PAM: variants seen among roughly 807,000 people sequenced by gnomAD.
PAM encodes the protein peptidylglycine alpha-amidating monooxygenase.
Under a neutral mutation model 122.1 loss-of-function variants are expected in PAM, and 72 were observed. That is an observed-to-expected ratio of 0.59 (90% confidence interval 0.49 to 0.72). The LOEUF (loss-of-function observed/expected upper bound fraction) is 0.72. Among genes scored for constraint, PAM ranks in the 30% least tolerant of loss-of-function variants. The probability of loss-of-function intolerance (pLI) is 0.00; values close to 1 mark genes in which losing one functional copy is unlikely to be tolerated. For missense variants in PAM, 1,106 were observed against 1,183.7 expected, an observed-to-expected ratio of 0.93 and a Z score of 0.96; for synonymous variants, 389 against 404.4, an observed-to-expected ratio of 0.96 and a Z score of 0.46.
intron 3 of PAM, among the ~76,000 whole-genome samples, chr5:102,895,222 A>G (rs1417047585): frequency 2.6e-5 from 4 of 151,598 alleles, no homozygotes; most frequent in African/African-American, 9.7e-5. Flanking sequence ...AACATTGCCA[A>G]CCCCCCTTGA....
chr5:102,986,440 A>G (rs1308328626), intron 15 of PAM, among the ~76,000 whole-genome samples: 1 of 152,184 alleles, frequency 6.6e-6, no homozygotes, highest in Non-Finnish European at 1.5e-5. Flanking sequence ...TTATACACCA[A>G]TAATGAACTA....
At chr5:102,795,578 C>T (rs1291064121) in intron 1 of PAM, among the ~76,000 whole-genome samples, 1 of 152,126 alleles carries the variant, frequency 6.6e-6, no homozygotes. Context: ...TTAATGGCTA[C>T]CCTTTTGACA....
chr5:102,974,690 A>G (rs1180162667), intron 15 of PAM: 1 of 309,160 alleles, frequency 3.2e-6, no homozygotes, highest in African/African-American at 2.1e-5. Flanking sequence ...ACCAAAAAAT[A>G]TTTGGATCAT....
At chr5:102,857,014 A>C (rs1483297295) in intron 1 of PAM, among the ~76,000 whole-genome samples, 1 of 152,214 alleles carries the variant, frequency 6.6e-6, no homozygotes, top group Non-Finnish European at 1.5e-5. Flanking sequence ...CCTGTGTTCC[A>C]CCTAGGGTGA....
chr5:102,836,412 G>A (rs956001744), intron 1 of PAM, among the ~76,000 whole-genome samples: 1 of 152,098 alleles, frequency 6.6e-6, no homozygotes, highest in Non-Finnish European at 1.5e-5. Flanking sequence ...AGTTTTGTTT[G>A]TAGAGATGGG....
chr5:102,868,937 G>A (rs1378597884), intron 3 of PAM, among the ~76,000 whole-genome samples: 2 of 152,168 alleles, frequency 1.3e-5, no homozygotes, highest in African/African-American at 2.4e-5. Context: ...AGTAAAATGT[G>A]TTCATTTTTA....
At chr5:102,976,638 T>C (rs1188297615) in intron 15 of PAM, among the ~76,000 whole-genome samples, 1 of 152,190 alleles carries the variant, frequency 6.6e-6, no homozygotes, top group Non-Finnish European at 1.5e-5. Context: ...TTGTATTTGC[T>C]GCATAGAAGA....
intron 5 of PAM, among the ~76,000 whole-genome samples, chr5:102,924,613 T>A (rs560590515): frequency 2.0e-4 from 30 of 152,280 alleles, no homozygotes; most frequent in African/African-American, 7.0e-4. Flanking sequence ...CTGCATTAGC[T>A]TTGGTTTATA....
intron 14 of PAM, among the ~76,000 whole-genome samples, chr5:102,970,085 AT>A (rs529513846): frequency 1.3e-5 from 2 of 152,152 alleles, no homozygotes; most frequent in Non-Finnish European, 2.9e-5. Flanking sequence ...GTCTATTAGC[AT>A]TGGCAATTAG....
intron 1 of PAM, among the ~76,000 whole-genome samples, chr5:102,779,703 G>A (rs539997862): frequency 3.6e-4 from 55 of 151,606 alleles, no homozygotes; most frequent in African/African-American, 1.3e-3. Context: ...GGTGAGACTG[G>A]CCTAACCTCC....
intron 1 of PAM, among the ~76,000 whole-genome samples, chr5:102,853,881 C>T (rs1017131400): frequency 1.3e-5 from 2 of 152,184 alleles, no homozygotes; most frequent in Non-Finnish European, 2.9e-5. Flanking sequence ...CTCACACTTA[C>T]GTGTACTATT....
At chr5:102,972,572 A>G (rs1270429005) in intron 14 of PAM, among the ~76,000 whole-genome samples, 1 of 151,890 alleles carries the variant, frequency 6.6e-6, no homozygotes, top group Non-Finnish European at 1.5e-5. Flanking sequence ...GTAAGCCTCC[A>G]CTCCCAGCCT....
chr5:103,027,322 T>G (rs1443409402), intron 24 of PAM, among the ~76,000 whole-genome samples: 1 of 152,216 alleles, frequency 6.6e-6, no homozygotes, highest in Admixed American at 6.5e-5. Context: ...CCTATTTCTT[T>G]CCACATCACT....
chr5:102,780,320 G>A (rs866054689), intron 1 of PAM, among the ~76,000 whole-genome samples: 3 of 152,104 alleles, frequency 2.0e-5, no homozygotes, highest in Non-Finnish European at 2.9e-5. Context: ...TGTTGGTGAT[G>A]TGATTTTTCC....
At chr5:102,935,466 A>G (rs553089609) in intron 7 of PAM, among the ~76,000 whole-genome samples, 2 of 152,256 alleles carry the variant, frequency 1.3e-5, no homozygotes, top group African/African-American at 4.8e-5. Flanking sequence ...TCTATTAAAG[A>G]TGCTCTGAGT....
chr5:102,998,267 A>G (rs1171880801), intron 16 of PAM, among the ~76,000 whole-genome samples: 2 of 152,220 alleles, frequency 1.3e-5, no homozygotes, highest in African/African-American at 2.4e-5. Context: ...AGGGGCAGTT[A>G]TCTTACAGAA....
chr5:102,787,335 C>T (rs567329226), intron 1 of PAM, among the ~76,000 whole-genome samples: 1 of 152,114 alleles, frequency 6.6e-6, no homozygotes, highest in East Asian at 1.9e-4. Context: ...ACCATTATCC[C>T]GTGCTGTCTA....
intron 15 of PAM, among the ~76,000 whole-genome samples, chr5:102,985,266 A>G (rs1213410135): frequency 9.2e-5 from 14 of 152,068 alleles, no homozygotes; most frequent in Admixed American, 9.2e-4. Flanking sequence ...ACAAAGGTCA[A>G]TGAAAAAAAA....
At chr5:102,805,615 A>G (rs1006009608) in intron 1 of PAM, among the ~76,000 whole-genome samples, 1 of 152,134 alleles carries the variant, frequency 6.6e-6, no homozygotes, top group African/African-American at 2.4e-5. Context: ...TGTGTACTTC[A>G]CAAGGTCTGT....
Sources: gnomAD v4.1 joint callset for allele counts (sites outside exome capture counted in the v4.1 genomes callset) on GRCh38, gnomAD v4.1.1 for gene constraint, MANE v1.5 for transcripts, NCBI Gene and HGNC (gene_info 2026-07-23, HGNC 2026-07-21) for gene names.